KLHL1: variants seen among roughly 807,000 people sequenced by gnomAD.
KLHL1 encodes the protein kelch like family member 1, also known as kelch-like protein 1.
Under a neutral mutation model 77.7 loss-of-function variants are expected in KLHL1, and 47 were observed. That is an observed-to-expected ratio of 0.60 (90% confidence interval 0.48 to 0.77). The LOEUF (loss-of-function observed/expected upper bound fraction) is 0.77. Ranked by LOEUF, KLHL1 falls within the 30% of genes least tolerant of loss-of-function variation. KLHL1 has a pLI of 0.00. For missense variants in KLHL1, 925 were observed against 910.8 expected, an observed-to-expected ratio of 1.02 and a Z score of -0.20; for synonymous variants, 360 against 325.2, an observed-to-expected ratio of 1.11 and a Z score of -1.15.
chr13:69,922,935 A>G (rs1205013571), intron 4 of KLHL1, among the ~76,000 whole-genome samples: 1 of 152,226 alleles, frequency 6.6e-6, no homozygotes, highest in Admixed American at 6.5e-5. Context: ...AAAATATTCA[A>G]AAGTGAATAA....
At chr13:70,059,188 T>C (rs2137402507) in intron 1 of KLHL1, among the ~76,000 whole-genome samples, 1 of 149,548 alleles carries the variant, frequency 6.7e-6, no homozygotes, top group East Asian at 2.0e-4. Context: ...AGATGGAATC[T>C]CACTCTGTCA....
At chr13:69,721,079 AAAGCTATGTACCTCCCT>A (rs1566358359) in intron 8 of KLHL1, among the ~76,000 whole-genome samples, 3 of 67,574 alleles carry the variant, frequency 4.4e-5, no homozygotes, top group African/African-American at 3.9e-5. Flanking sequence ...ATATATATAT[AAAGCTATGTACCTCCCT>A]TACAAGGAAT....
intron 8 of KLHL1, among the ~76,000 whole-genome samples, chr13:69,720,916 T>C (rs988384744): frequency 8.2e-5 from 12 of 145,610 alleles, no homozygotes; most frequent in African/African-American, 3.0e-4. Flanking sequence ...GAGAATATGA[T>C]TAGTTTGTGT....
intron 4 of KLHL1, among the ~76,000 whole-genome samples, chr13:69,890,946 C>T (rs138108515): frequency 8.6e-5 from 13 of 151,942 alleles, no homozygotes; most frequent in African/African-American, 2.4e-4. Flanking sequence ...AATTATACAA[C>T]GAAGAAAAGT....
chr13:69,722,387 AC>A (rs1873105405), intron 8 of KLHL1, among the ~76,000 whole-genome samples: 1 of 152,074 alleles, frequency 6.6e-6, no homozygotes, highest in South Asian at 2.1e-4. Context: ...ATGACATACA[AC>A]CTACCAAGAC....
intron 7 of KLHL1, among the ~76,000 whole-genome samples, chr13:69,790,735 C>T (rs1219818904): frequency 6.6e-6 from 1 of 151,834 alleles, no homozygotes; most frequent in Non-Finnish European, 1.5e-5. Context: ...AATCCAATAC[C>T]CTTTTCATGA....
Position 70,005,152 on chromosome 13 carries a change from A to T in KLHL1, c.498-29350T>A, listed in dbSNP as rs530837353. Among the ~76,000 whole-genome samples, 11 of 152,002 alleles carry T rather than the reference A, an allele frequency of 7.2e-5. No individual in the cohort carries two copies. In the East Asian group the frequency reaches 2.1e-3, roughly 29 times the overall value. ...ATACACTCATAAATATCTCAATTTAAATTATGTGGTTACCAAAGAGAGAAA... is the reference window on the plus strand; with the variant it reads ...ATACACTCATAAATATCTCAATTTATATTATGTGGTTACCAAAGAGAGAAA... On this transcript the variant is annotated intron_variant, in intron 1 of 10. Transcript: ENST00000377844.
intron 1 of KLHL1, among the ~76,000 whole-genome samples, chr13:69,989,912 G>A (rs900568684): frequency 6.6e-6 from 1 of 151,968 alleles, no homozygotes; most frequent in East Asian, 1.9e-4. Context: ...TGTAAACAGG[G>A]ATAGTTTGAT....
intron 1 of KLHL1, among the ~76,000 whole-genome samples, chr13:70,001,590 TC>T: frequency 6.6e-6 from 1 of 150,416 alleles, no homozygotes; most frequent in African/African-American, 2.4e-5. Flanking sequence ...TGTCTATCTA[TC>T]TATCTATCTA....
At chr13:69,842,613 T>C (rs1346131010) in intron 5 of KLHL1, among the ~76,000 whole-genome samples, 1 of 151,858 alleles carries the variant, frequency 6.6e-6, no homozygotes, top group Non-Finnish European at 1.5e-5. Context: ...AAAGCCACTA[T>C]GGAAAACAAT....
chr13:70,099,632 A>G (rs1261282322), intron 1 of KLHL1, among the ~76,000 whole-genome samples: 1 of 152,062 alleles, frequency 6.6e-6, no homozygotes, highest in African/African-American at 2.4e-5. Context: ...TAAATACAAT[A>G]GATAAGTTTA....
At chr13:69,812,113 C>T (rs560962315) in intron 6 of KLHL1, among the ~76,000 whole-genome samples, 31 of 152,088 alleles carry the variant, frequency 2.0e-4, no homozygotes, top group Admixed American at 4.6e-4. Flanking sequence ...TCTTTGTTCT[C>T]GTTGGTTTTA....
At chr13:70,047,725 C>A (rs1033143457) in intron 1 of KLHL1, among the ~76,000 whole-genome samples, 1 of 152,136 alleles carries the variant, frequency 6.6e-6, no homozygotes, top group Admixed American at 6.5e-5. Context: ...AACACAATTA[C>A]ATTCTTAACT....
intron 1 of KLHL1, among the ~76,000 whole-genome samples, chr13:69,982,525 C>G (rs1884742082): frequency 6.7e-6 from 1 of 149,712 alleles, no homozygotes; most frequent in African/African-American, 2.4e-5. Context: ...AGAAAAATCA[C>G]TTAACCTCAA....
At chr13:69,743,174 T>C (rs1874056789) in intron 7 of KLHL1, among the ~76,000 whole-genome samples, 1 of 152,148 alleles carries the variant, frequency 6.6e-6, no homozygotes, top group South Asian at 2.1e-4. Flanking sequence ...ACTAGGATAA[T>C]TTAATAAACT....
chr13:69,837,416 C>A (rs1396187026), intron 6 of KLHL1, among the ~76,000 whole-genome samples: 2 of 151,274 alleles, frequency 1.3e-5, no homozygotes, highest in African/African-American at 4.9e-5. Flanking sequence ...ATTTCACACA[C>A]ACAATGTAAG....
At chr13:69,925,054 T>A (rs534639230) in intron 4 of KLHL1, among the ~76,000 whole-genome samples, 17 of 152,282 alleles carry the variant, frequency 1.1e-4, no homozygotes, top group Admixed American at 1.1e-3. Flanking sequence ...TTCAGGCTGG[T>A]AGTGCAAGCT....
chr13:69,861,345 A>G (rs982760892), intron 5 of KLHL1, among the ~76,000 whole-genome samples: 8 of 152,000 alleles, frequency 5.3e-5, no homozygotes, highest in Admixed American at 3.9e-4. Flanking sequence ...TAGATACTTT[A>G]TATGTCTATG....
intron 4 of KLHL1, among the ~76,000 whole-genome samples, chr13:69,897,734 A>G (rs1459278434): frequency 1.3e-5 from 2 of 152,160 alleles, no homozygotes; most frequent in African/African-American, 4.8e-5. Flanking sequence ...TGACCCACCC[A>G]TGGTGAGTCT....
Sources: allele counts gnomAD v4.1 joint callset (sites outside exome capture counted in the v4.1 genomes callset), GRCh38; gene constraint gnomAD v4.1.1; transcripts MANE v1.5; gene names NCBI Gene and HGNC (gene_info 2026-07-23, HGNC 2026-07-21).